RNF128: variants seen among roughly 807,000 people sequenced by gnomAD.
RNF128 encodes ring finger protein 128, also known as E3 ubiquitin-protein ligase RNF128.
A neutral mutation model predicts 26.2 loss-of-function variants in RNF128; 13 were observed. The observed-to-expected ratio is 0.50, with a 90% CI of 0.32 to 0.79. The LOEUF is 0.79. RNF128 is among the 30% of genes least tolerant of loss of function. The pLI is 0.03. For missense variants in RNF128, 315 were observed against 349.7 expected, an observed-to-expected ratio of 0.90 and a Z score of 0.79; for synonymous variants, 149 against 142.5, an observed-to-expected ratio of 1.05 and a Z score of -0.32.
At chrX:106,709,247 A>C (rs949774399) in intron 1 of RNF128, among the ~76,000 whole-genome samples, 6 of 111,547 alleles carry the variant, frequency 5.4e-5, no homozygotes, top group African/African-American at 1.6e-4. Context: ...TATCTAAAAG[A>C]ATATCCCCAT....
At chrX:106,767,548 T>C (rs1569442872) in intron 1 of RNF128, among the ~76,000 whole-genome samples, 1 of 111,906 alleles carries the variant, frequency 8.9e-6, no homozygotes, top group African/African-American at 3.3e-5. Context: ...TGCTTGTGAT[T>C]TTTGCACATT....
intron 6 of RNF128, 118 bp from the exon 7 acceptor site, chrX:106,795,462 A>G (rs1022646001): frequency 3.3e-6 from 2 of 598,468 alleles, no homozygotes; most frequent in African/African-American, 2.3e-5. Flanking sequence ...GGGAATGAAT[A>G]TGGTAATCAG....
At chrX:106,696,710 T>C (rs1928878521) in intron 1 of RNF128, among the ~76,000 whole-genome samples, 1 of 111,460 alleles carries the variant, frequency 9.0e-6, no homozygotes, top group African/African-American at 3.3e-5. Flanking sequence ...TTCAGTCCCA[T>C]TATCCTGTAC....
At chrX:106,744,662 T>C (rs1203269698) in intron 1 of RNF128, among the ~76,000 whole-genome samples, 1 of 110,722 alleles carries the variant, frequency 9.0e-6, no homozygotes, top group East Asian at 2.8e-4. Context: ...GGTTTCACCG[T>C]GTTAACCAGG....
intron 1 of RNF128, among the ~76,000 whole-genome samples, chrX:106,701,453 C>T (rs1300430169): frequency 9.0e-6 from 1 of 110,847 alleles, no homozygotes; most frequent in Admixed American, 9.6e-5. Context: ...GTTTGTGTGT[C>T]GATAGATACA....
intron 1 of RNF128, among the ~76,000 whole-genome samples, chrX:106,742,824 C>T (rs905515090): frequency 1.2e-4 from 13 of 110,824 alleles, no homozygotes; most frequent in African/African-American, 4.3e-4. Context: ...TAAGAATGCC[C>T]TTGATGAATC....
chrX:106,768,024 T>C (rs961893502), intron 1 of RNF128, among the ~76,000 whole-genome samples: 5 of 112,114 alleles, frequency 4.5e-5, no homozygotes, highest in African/African-American at 1.6e-4. Flanking sequence ...CATTTATTGA[T>C]TTGCTTATGT....
intron 1 of RNF128, among the ~76,000 whole-genome samples, chrX:106,706,437 T>C (rs1283696790): frequency 8.9e-6 from 1 of 112,188 alleles, no homozygotes; most frequent in Non-Finnish European, 1.9e-5. Flanking sequence ...AACAAATGTT[T>C]ACTGAGAGCC....
intron 2 of RNF128, among the ~76,000 whole-genome samples, chrX:106,777,625 C>A (rs1004442627): frequency 1.8e-5 from 2 of 111,966 alleles, no homozygotes; most frequent in African/African-American, 6.5e-5. Context: ...CCTCCCCAGT[C>A]TAGTGAATGT....
chrX:106,730,860 G>A (rs546321893), intron 1 of RNF128, among the ~76,000 whole-genome samples: 1 of 111,620 alleles, frequency 9.0e-6, no homozygotes, highest in African/African-American at 3.3e-5. Context: ...ATGATTTGGG[G>A]GTCTCCAATG....
intron 6 of RNF128, 73 bp from the exon 7 acceptor site, chrX:106,795,507 A>G: frequency 1.0e-6 from 1 of 984,325 alleles, no homozygotes; most frequent in Non-Finnish European, 1.4e-6. Flanking sequence ...GACTTCTTGG[A>G]AGTAAATGTT....
chrX:106,699,596 A>G (rs1261525704), intron 1 of RNF128, among the ~76,000 whole-genome samples: 1 of 112,195 alleles, frequency 8.9e-6, no homozygotes, highest in East Asian at 2.8e-4. Flanking sequence ...AGAGTGATCA[A>G]AACATATAGG....
intron 1 of RNF128, among the ~76,000 whole-genome samples, chrX:106,766,700 C>A (rs767997227): frequency 8.9e-6 from 1 of 111,939 alleles, no homozygotes; most frequent in South Asian, 3.7e-4. Context: ...TTTTGCTGTG[C>A]AGAAGCTCTT....
intron 1 of RNF128, among the ~76,000 whole-genome samples, chrX:106,717,933 G>A (rs1408467352): frequency 8.9e-6 from 1 of 111,881 alleles, no homozygotes. Context: ...ATAGCAGGCA[G>A]TATAAATCTA....
chrX:106,704,787 G>C lies in RNF128; in HGVS notation c.406+10379G>C, dbSNP rs775696520. ...ATAGTAAACAAATTAGCTTCCATTT[G>C]GGAAACTAGCTAAGGATGGAATGAA... is the stretch of plus-strand genomic sequence containing the variant. On this transcript the variant is annotated intron_variant, in intron 1 of 6. Transcript: ENST00000324342. 2.1e-4 allele frequency among the ~76,000 whole-genome samples: 24 copies of C among 111,823 alleles called. No individual in the cohort carries two copies. The East Asian group carries it at 6.5e-3, about 30-fold the overall frequency.
At chrX:106,707,089 T>C (rs1929055084) in intron 1 of RNF128, among the ~76,000 whole-genome samples, 1 of 112,161 alleles carries the variant, frequency 8.9e-6, no homozygotes, top group Non-Finnish European at 1.9e-5. Flanking sequence ...TATTTTTATG[T>C]ATTCTTATGT....
intron 1 of RNF128, among the ~76,000 whole-genome samples, chrX:106,750,949 G>A (rs1379847715): frequency 9.0e-6 from 1 of 111,426 alleles, no homozygotes; most frequent in Non-Finnish European, 1.9e-5. Context: ...TTAAATAATG[G>A]CATACAAAGA....
At chrX:106,708,686 T>C (rs1450201743) in intron 1 of RNF128, among the ~76,000 whole-genome samples, 2 of 112,242 alleles carry the variant, frequency 1.8e-5, no homozygotes, top group East Asian at 5.6e-4. Flanking sequence ...TGCTTCTTTT[T>C]GGCATCATTT....
At chrX:106,740,512 CA>C (rs892984991) in intron 1 of RNF128, among the ~76,000 whole-genome samples, 11 of 111,837 alleles carry the variant, frequency 9.8e-5, no homozygotes, top group Non-Finnish European at 2.1e-4. Context: ...ATTGAATAAA[CA>C]GTGGAATTCT....
Sources: allele counts gnomAD v4.1 joint callset (sites outside exome capture counted in the v4.1 genomes callset), GRCh38; gene constraint gnomAD v4.1.1; transcripts MANE v1.5; gene names NCBI Gene and HGNC (gene_info 2026-07-23, HGNC 2026-07-21).